Variants in HS3ST4 observed in about 807,000 individuals in gnomAD.
HS3ST4 encodes the protein heparan sulfate-glucosamine 3-sulfotransferase 4, also known as heparan sulfate glucosamine 3-O-sulfotransferase 4.
Under a neutral mutation model 29.2 loss-of-function variants are expected in HS3ST4, and 17 were observed. The observed-to-expected ratio is 0.58, with a 90% CI of 0.40 to 0.87. HS3ST4 has a LOEUF of 0.87. HS3ST4 is among the 40% of genes least tolerant of loss of function. HS3ST4 has a pLI of 0.00. For synonymous variants in HS3ST4, 314 were observed against 285.7 expected (o/e 1.10, Z -1.00); for missense variants, 627 against 634.5 (o/e 0.99, Z 0.13).
At chr16:25,790,730 A>C (rs1966867372) in intron 1 of HS3ST4, among the ~76,000 whole-genome samples, 1 of 152,150 alleles carries the variant, frequency 6.6e-6, no homozygotes, top group South Asian at 2.1e-4. Context: ...TTGCCCATTA[A>C]AAAAATCGAT....
chr16:25,872,453 A>T (rs1445286460), intron 1 of HS3ST4, among the ~76,000 whole-genome samples: 1 of 152,190 alleles, frequency 6.6e-6, no homozygotes. Flanking sequence ...GACTCAGCTG[A>T]TCTCTGCAGT....
chr16:25,941,700 C>T (rs930101085), intron 1 of HS3ST4, among the ~76,000 whole-genome samples: 5 of 152,144 alleles, frequency 3.3e-5, no homozygotes, highest in Admixed American at 2.6e-4. Context: ...CCTCAGCCTC[C>T]TGAGTAGCTC....
chr16:25,921,893 T>C (rs535430577), intron 1 of HS3ST4, among the ~76,000 whole-genome samples: 11 of 152,124 alleles, frequency 7.2e-5, no homozygotes. Flanking sequence ...TAGCTGGGAC[T>C]ACAGGCATGT....
intron 1 of HS3ST4, among the ~76,000 whole-genome samples, chr16:25,751,699 A>C (rs4787756): frequency 0.65 from 98,415 of 152,014 alleles, 32,532 homozygotes; most frequent in Non-Finnish European, 0.7. Context: ...TGGAAAAAAT[A>C]AAAAGGGCTG....
Position 26,136,204 on chromosome 16 carries a change from A to G in HS3ST4, c.1327A>G (p.Thr443Ala). 1 of 1,613,362 alleles carries G rather than the reference A, an allele frequency of 6.2e-7. No homozygotes were observed. The highest frequency in any genetic ancestry group is 8.5e-7 in the Non-Finnish European group (1 of 1,179,706). Residue 443 changes from threonine to alanine, a missense_variant, in exon 2 of 2, where the codon ACT (threonine) becomes GCT (alanine). Around this residue, in one of 2 missense-constraint regions of HS3ST4, gnomAD observed 225 missense variants for 293.7 expected, o/e 0.77. Coordinates refer to ENST00000331351, the MANE Select transcript of HS3ST4 (RefSeq NM_006040.3). ...KPFNLMFYQMTGQDFQWEQEE... is the reference protein window; with the variant it reads ...KPFNLMFYQMAGQDFQWEQEE... ...CTTCAACTTGATGTTTTACCAAATG[A>G]CTGGTCAAGATTTTCAGTGGGAACA...
At chr16:25,870,183 CCCAT>C (rs922372292) in intron 1 of HS3ST4, among the ~76,000 whole-genome samples, 1 of 151,950 alleles carries the variant, frequency 6.6e-6, no homozygotes, top group Non-Finnish European at 1.5e-5. Context: ...CATCCATCCA[CCCAT>C]CCATCCATCC....
chr16:25,701,397 C>G (rs1333603166), intron 1 of HS3ST4, among the ~76,000 whole-genome samples: 3 of 152,072 alleles, frequency 2.0e-5, no homozygotes, highest in Admixed American at 1.3e-4. Context: ...GCAGGGTTCT[C>G]TATTCTTTAC....
intron 1 of HS3ST4, among the ~76,000 whole-genome samples, chr16:26,023,578 T>C (rs1391379142): frequency 6.6e-6 from 1 of 151,950 alleles, no homozygotes; most frequent in Non-Finnish European, 1.5e-5. Context: ...TTTTTTATTT[T>C]ATTTTTTTGT....
In HS3ST4 at chr16:26,123,355, G is replaced by A. The variant is rs577676065; in HGVS notation, c.735-12257G>A. ...AACACTTCCTTAGCCACACACCTCTGTCAAGATGACGATGCACCTGGCCAG... is the reference window on the plus strand; with the variant it reads ...AACACTTCCTTAGCCACACACCTCTATCAAGATGACGATGCACCTGGCCAG... On this transcript the variant is annotated intron_variant, in intron 1 of 1. Coordinates refer to ENST00000331351, the MANE Select transcript of HS3ST4 (RefSeq NM_006040.3). Among the ~76,000 whole-genome samples the A allele has an allele frequency of 3.3e-5, 5 of 152,270 alleles. No individual in the cohort carries two copies. In the East Asian group the frequency reaches 9.7e-4, roughly 29 times the overall value.
At chr16:26,032,388 A>G (rs1969539208) in intron 1 of HS3ST4, among the ~76,000 whole-genome samples, 1 of 152,058 alleles carries the variant, frequency 6.6e-6, no homozygotes, top group Non-Finnish European at 1.5e-5. Context: ...TCCCCCAAAA[A>G]CAACAATGAA....
At chr16:25,804,379 C>T (rs1555466399) in intron 1 of HS3ST4, among the ~76,000 whole-genome samples, 1 of 152,196 alleles carries the variant, frequency 6.6e-6, no homozygotes, top group Non-Finnish European at 1.5e-5. Flanking sequence ...CAATTCAGCT[C>T]TTCACCACCT....
intron 1 of HS3ST4, among the ~76,000 whole-genome samples, chr16:26,011,525 A>G (rs1356464501): frequency 1.3e-5 from 2 of 152,178 alleles, no homozygotes; most frequent in African/African-American, 4.8e-5. Context: ...GTGCCACTGC[A>G]TGCCAGCCTG....
chr16:25,772,825 T>C (rs1205215009), intron 1 of HS3ST4, among the ~76,000 whole-genome samples: 4 of 152,098 alleles, frequency 2.6e-5, no homozygotes, highest in Non-Finnish European at 5.9e-5. Context: ...ATGTTACAAG[T>C]CTAATGCAAG....
chr16:25,945,037 A>G (rs934425201), intron 1 of HS3ST4, among the ~76,000 whole-genome samples: 11 of 152,338 alleles, frequency 7.2e-5, no homozygotes, highest in African/African-American at 2.6e-4. Flanking sequence ...ACAGAATATT[A>G]GATAGTGCTA....
chr16:25,792,375 T>A (rs1249975905), intron 1 of HS3ST4, among the ~76,000 whole-genome samples: 1 of 151,904 alleles, frequency 6.6e-6, no homozygotes, highest in Non-Finnish European at 1.5e-5. Flanking sequence ...AAAACTGGTG[T>A]TAAATAATAT....
In HS3ST4 at chr16:25,798,646, T is replaced by G. The variant is rs560546198; in HGVS notation, c.734+105495T>G. Among the ~76,000 whole-genome samples, 5 of 152,298 alleles carry G rather than the reference T, an allele frequency of 3.3e-5. No homozygotes were observed. In the South Asian group the frequency reaches 1.0e-3, roughly 32 times the overall value. ...GAATATTTTGAACAATAATAAAATC[T>G]AGCACAAGGACAAGTTCATCCACAA... On this transcript the variant is annotated intron_variant, in intron 1 of 1. Coordinates refer to ENST00000331351, the MANE Select transcript of HS3ST4 (RefSeq NM_006040.3).
chr16:26,091,412 C>T (rs1380586015), intron 1 of HS3ST4, among the ~76,000 whole-genome samples: 1 of 152,138 alleles, frequency 6.6e-6, no homozygotes, highest in Admixed American at 6.5e-5. Flanking sequence ...CCAATCAGAT[C>T]CACATACACA....
intron 1 of HS3ST4, among the ~76,000 whole-genome samples, chr16:25,840,244 T>C (rs1373732593): frequency 2.0e-5 from 3 of 152,204 alleles, no homozygotes; most frequent in East Asian, 3.9e-4. Flanking sequence ...GTCCCAAAAA[T>C]TATTTCTGGG....
At chr16:26,089,349 A>G (rs1898825413) in intron 1 of HS3ST4, among the ~76,000 whole-genome samples, 1 of 152,114 alleles carries the variant, frequency 6.6e-6, no homozygotes, top group African/African-American at 2.4e-5. Flanking sequence ...GCAGGTTATG[A>G]CCCTGACAGT....
Sources: gnomAD v4.1 joint callset for allele counts (sites outside exome capture counted in the v4.1 genomes callset) on GRCh38, gnomAD v4.1.1 for gene constraint, gnomAD v4.1.1 regional missense constraint, MANE v1.5 for transcripts, NCBI Gene and HGNC (gene_info 2026-07-23, HGNC 2026-07-21) for gene names.